Variants in CNTNAP2 observed in about 807,000 individuals in gnomAD.
CNTNAP2 encodes the protein contactin associated protein 2.
In CNTNAP2, 98 loss-of-function variants were observed where a neutral mutation model predicts 155.2. The ratio of observed to expected loss-of-function variants is 0.63; its 90% confidence interval spans 0.54 to 0.75. The LOEUF is 0.75. Among genes scored for constraint, CNTNAP2 ranks in the 30% least tolerant of loss-of-function variants. The pLI, the probability that CNTNAP2 is intolerant of heterozygous loss-of-function variation, is 0.00. For missense variants in CNTNAP2, 1,727 were observed against 1,688.1 expected, an observed-to-expected ratio of 1.02 and a Z score of -0.40; for synonymous variants, 651 against 631.2, an observed-to-expected ratio of 1.03 and a Z score of -0.47.
chr7:147,171,700 G>A (rs946997802), intron 8 of CNTNAP2, among the ~76,000 whole-genome samples: 8 of 151,984 alleles, frequency 5.3e-5, no homozygotes, highest in Non-Finnish European at 1.0e-4. Context: ...ATATACATGT[G>A]GTATATGTCA....
intron 1 of CNTNAP2, among the ~76,000 whole-genome samples, chr7:146,759,638 G>A (rs1402943824): frequency 8.1e-6 from 1 of 123,788 alleles, no homozygotes. Flanking sequence ...GAGGAGCTGA[G>A]ATCACGCCAC....
intron 11 of CNTNAP2, among the ~76,000 whole-genome samples, chr7:147,521,826 A>G (rs960997240): frequency 3.9e-5 from 6 of 152,124 alleles, no homozygotes; most frequent in Admixed American, 1.3e-4. Flanking sequence ...TATCTGTGAA[A>G]CATAATGTTT....
chr7:146,999,261 C>T (rs540012709), intron 3 of CNTNAP2, among the ~76,000 whole-genome samples: 1 of 142,468 alleles, frequency 7.0e-6, no homozygotes, highest in Non-Finnish European at 1.5e-5. Context: ...AAAAAAAAGA[C>T]AAAGCAAAAG....
chr7:148,180,779 G>A (rs1322809907), intron 18 of CNTNAP2, among the ~76,000 whole-genome samples: 1 of 152,132 alleles, frequency 6.6e-6, no homozygotes, highest in Non-Finnish European at 1.5e-5. Context: ...AAGCCAGCAT[G>A]GTGCATTAGC....
Position 147,563,476 on chromosome 7 carries a change from A to G in CNTNAP2, c.1897+1219A>G, listed in dbSNP as rs79513746. On this transcript the variant is annotated intron_variant, in intron 12 of 23. Coordinates refer to ENST00000361727, the MANE Select transcript of CNTNAP2 (RefSeq NM_014141.6). ...AAACCCTGTCTCTACTAAAAATCCAAAAATTAGCTGGGCTTCGTGGCACAC... is the reference window on the plus strand; with the variant it reads ...AAACCCTGTCTCTACTAAAAATCCAGAAATTAGCTGGGCTTCGTGGCACAC... 9.1e-3 allele frequency among the ~76,000 whole-genome samples: 1,382 copies of G among 152,066 alleles called. 21 individuals are homozygous for G. Among genetic ancestry groups the G allele is most frequent in the African/African-American group, 0.032 (1,315 of 41,466 alleles).
At chr7:146,142,419 T>C (rs1344874929) in intron 1 of CNTNAP2, among the ~76,000 whole-genome samples, 2 of 151,952 alleles carry the variant, frequency 1.3e-5, no homozygotes, top group Non-Finnish European at 2.9e-5. Context: ...GGCATGATGA[T>C]CCCTAACACA....
intron 21 of CNTNAP2, among the ~76,000 whole-genome samples, chr7:148,370,204 T>A (rs1177691374): frequency 6.6e-6 from 1 of 152,170 alleles, no homozygotes; most frequent in Non-Finnish European, 1.5e-5. Flanking sequence ...ATCTCAGCTC[T>A]AGACTGAGGC....
intron 3 of CNTNAP2, among the ~76,000 whole-genome samples, chr7:147,020,622 GT>G (rs1470685095): frequency 6.6e-6 from 1 of 152,170 alleles, no homozygotes; most frequent in Admixed American, 6.5e-5. Flanking sequence ...GTAAGGCCCA[GT>G]TTGATAGGAA....
rs190061734 is a variant in CNTNAP2 at position 146,132,311 on chromosome 7, G to T, written c.97+15338G>T. On this transcript the variant is annotated intron_variant, in intron 1 of 23. Transcript: ENST00000361727. ...GTATAAAGAGTACGAACTTCATAGA[G>T]CAGCAATTCTCATATGCTAATATGC... Among the ~76,000 whole-genome samples the T allele has an allele frequency of 2.4e-4, 37 of 152,260 alleles. No homozygotes were observed. The Middle Eastern group carries it at 0.014, about 56-fold the overall frequency.
intron 9 of CNTNAP2, among the ~76,000 whole-genome samples, chr7:147,387,780 A>G (rs1796647753): frequency 6.6e-6 from 1 of 152,190 alleles, no homozygotes; most frequent in Non-Finnish European, 1.5e-5. Context: ...GTGCTATCAT[A>G]TAGTAGGTCT....
chr7:147,481,545 C>T (rs1328922956), intron 10 of CNTNAP2, among the ~76,000 whole-genome samples: 2 of 152,196 alleles, frequency 1.3e-5, no homozygotes, highest in Non-Finnish European at 2.9e-5. Flanking sequence ...AATTGCAGCC[C>T]ATTTGACCTT....
At chr7:148,353,302 A>G (rs761385522) in intron 21 of CNTNAP2, among the ~76,000 whole-genome samples, 1 of 152,242 alleles carries the variant, frequency 6.6e-6, no homozygotes, top group African/African-American at 2.4e-5. Flanking sequence ...GATACTGCAG[A>G]TGCACTTCCA....
At chr7:147,691,788 A>T (rs1053697620) in intron 13 of CNTNAP2, among the ~76,000 whole-genome samples, 3 of 152,034 alleles carry the variant, frequency 2.0e-5, no homozygotes, top group African/African-American at 7.2e-5. Flanking sequence ...CTTCACACAT[A>T]CTCAGACTCC....
At chr7:147,616,405 C>A (rs1801294067) in intron 12 of CNTNAP2, among the ~76,000 whole-genome samples, 1 of 152,182 alleles carries the variant, frequency 6.6e-6, no homozygotes. Context: ...AAGATAAAAT[C>A]TGAAGACTTT....
intron 1 of CNTNAP2, among the ~76,000 whole-genome samples, chr7:146,322,629 A>G (rs376532522): frequency 6.0e-5 from 1 of 16,682 alleles, no homozygotes; most frequent in Non-Finnish European, 1.4e-4. Flanking sequence ...TGTTGTGTTC[A>G]TTCTCTTTTT....
At chr7:147,918,320 A>G (rs1800197012) in intron 14 of CNTNAP2, among the ~76,000 whole-genome samples, 1 of 152,206 alleles carries the variant, frequency 6.6e-6, no homozygotes, top group Non-Finnish European at 1.5e-5. Flanking sequence ...GTATGTATTT[A>G]TAAACTTTCT....
At chr7:147,925,156 A>AG (rs772992835) in intron 14 of CNTNAP2, among the ~76,000 whole-genome samples, 1 of 61,228 alleles carries the variant, frequency 1.6e-5, no homozygotes. Context: ...AGAGAGAGAG[A>AG]AGGAAGGAAG....
chr7:147,132,199 C>A, intron 7 of CNTNAP2, 46 bp from the exon 8 acceptor site: 1 of 1,610,348 alleles, frequency 6.2e-7, no homozygotes, highest in South Asian at 1.1e-5. Context: ...CATGGATGTT[C>A]ATTTTATTCT....
At chr7:147,141,418 C>A (rs1301498205) in intron 8 of CNTNAP2, among the ~76,000 whole-genome samples, 1 of 152,090 alleles carries the variant, frequency 6.6e-6, no homozygotes, top group Non-Finnish European at 1.5e-5. Flanking sequence ...TGCCTACTGG[C>A]TATCATGGAT....
Sources: allele counts gnomAD v4.1 joint callset (sites outside exome capture counted in the v4.1 genomes callset), GRCh38; gene constraint gnomAD v4.1.1; transcripts MANE v1.5; gene names NCBI Gene and HGNC (gene_info 2026-07-23, HGNC 2026-07-21).